ADGRG1: variants seen among roughly 807,000 people sequenced by gnomAD.
ADGRG1 encodes adhesion G protein-coupled receptor G1.
Under a neutral mutation model 73.5 loss-of-function variants are expected in ADGRG1, and 53 were observed. The observed-to-expected ratio is 0.72, with a 90% confidence interval of 0.58 to 0.91. The LOEUF is 0.91. Among genes scored for constraint, ADGRG1 ranks in the 40% least tolerant of loss-of-function variants. The probability of loss-of-function intolerance (pLI) is 0.00; values close to 1 mark genes in which losing one functional copy is unlikely to be tolerated. For missense variants in ADGRG1, 795 were observed against 871.8 expected (o/e 0.91, Z 1.11); for synonymous variants, 394 against 374.4 (o/e 1.05, Z -0.60).
At chr16:57,635,740 G>A (rs534449745) in intron 1 of ADGRG1, 9 of 985,340 alleles carry the variant, frequency 9.1e-6, no homozygotes, top group East Asian at 2.3e-4. Flanking sequence ...TCTCCATGTC[G>A]TTGCCAGGGC....
At chr16:57,623,038 G>A, upstream of ADGRG1, 7 of 985,408 alleles carry the variant, frequency 7.1e-6, no homozygotes, top group Non-Finnish European at 8.4e-6. Flanking sequence ...GGTATGGAGG[G>A]GCAAAGCAGG....
chr16:57,655,803 A>G (rs1244038951), intron 6 of ADGRG1, 73 bp from the exon 7 acceptor site: 2 of 1,613,530 alleles, frequency 1.2e-6, no homozygotes, highest in East Asian at 4.5e-5. Context: ...TAGAGAGGGT[A>G]AGGGGCTTCT....
In ADGRG1 at chr16:57,632,121, C is replaced by A. The variant is rs1371523918; in HGVS notation, c.-36+3319C>A. The stretch of plus-strand genomic sequence containing the variant: ...CACTTTTCAGATGAGGACATTGAGG[C>A]AGGGGAGGCTTACCCAGTGAGCAAC... On this transcript the variant is annotated intron_variant, in intron 1 of 13. Coordinates refer to ENST00000562631, the MANE Select transcript of ADGRG1 (RefSeq NM_201525.4). The A allele has an allele frequency of 1.0e-5, 10 of 985,340 alleles. No individual in the cohort carries two copies. In the African/African-American group the frequency reaches 1.7e-4, roughly 17 times the overall value. The allele number at this position is 985,340 out of a possible 1,614,324, so 61.0% of individuals were successfully genotyped here.
At position 57,652,921 on chromosome 16, in the gene ADGRG1, T is replaced by A; in HGVS notation, c.488-282T>A. The A allele has an allele frequency of 2.3e-6, 3 of 1,292,254 alleles. 1 individual carries two copies. In the South Asian group the frequency reaches 4.7e-5, roughly 20 times the overall value. The allele number at this position is 1,292,254 out of a possible 1,614,324, so 80.0% of individuals were successfully genotyped here. ...GGCTGGGCCCTCTCTGCTCCGTGTGTGTAGCCGAAGGTGTCTGCGGAGGGT... is the reference window on the plus strand; with the variant it reads ...GGCTGGGCCCTCTCTGCTCCGTGTGAGTAGCCGAAGGTGTCTGCGGAGGGT... On this transcript the variant is annotated intron_variant, in intron 3 of 13. Transcript: ENST00000562631.
chr16:57,635,213 G>C (rs1189163174), intron 1 of ADGRG1: 2 of 985,208 alleles, frequency 2.0e-6, no homozygotes, highest in African/African-American at 3.5e-5. Context: ...CACCTGCCTA[G>C]AGCCATGGGC....
chr16:57,620,078 GA>G (rs1339832994), upstream of ADGRG1: 2 of 152,412 alleles, frequency 1.3e-5, no homozygotes, highest in Admixed American at 1.3e-4. Context: ...GGAGGAGGTG[GA>G]AGGGGAGGAG....
At chr16:57,647,771 G>T in intron 1 of ADGRG1, 2 of 983,616 alleles carry the variant, frequency 2.0e-6, no homozygotes, top group Non-Finnish European at 2.4e-6. Flanking sequence ...CTGAGGTGGA[G>T]TGGGGATGAC....
At chr16:57,633,151 G>A in intron 1 of ADGRG1, 1 of 355,058 alleles carries the variant, frequency 2.8e-6, no homozygotes, top group East Asian at 1.7e-4. Context: ...TTCCCTGCCT[G>A]TAAATGGAGA....
At chr16:57,656,900 G>T (rs1194869868) in intron 9 of ADGRG1, among the ~76,000 whole-genome samples, 1 of 152,128 alleles carries the variant, frequency 6.6e-6, no homozygotes, top group Non-Finnish European at 1.5e-5. Context: ...CTCACCTAGG[G>T]TTCTGATTTG....
At chr16:57,656,094 C>T in intron 7 of ADGRG1, 102 bp downstream of exon 7, 2 of 1,613,314 alleles carry the variant, frequency 1.2e-6, no homozygotes, top group Non-Finnish European at 1.7e-6. Flanking sequence ...GAAACGATTG[C>T]CTGATCGAGC....
chr16:57,646,295 G>A (rs950080903), intron 1 of ADGRG1: 102 of 794,844 alleles, frequency 1.3e-4, no homozygotes, highest in Non-Finnish European at 1.4e-4. Flanking sequence ...ACTGCCCACC[G>A]TGCAGAGGGG....
At chr16:57,650,228 A>G (rs1304466246) in intron 1 of ADGRG1, 25 bp from the exon 2 acceptor site, 1 of 1,581,174 alleles carries the variant, frequency 6.3e-7, no homozygotes, top group East Asian at 2.2e-5. Context: ...CCACACTCCC[A>G]GCTAACACTC....
Position 57,628,807 on chromosome 16 carries a change from C to G in ADGRG1, c.-36+5C>G. On this transcript the variant is annotated splice_donor_5th_base_variant and intron_variant, in intron 1 of 13. Transcript: ENST00000562631. The stretch of plus-strand genomic sequence containing the variant: ...GGACCCTCCACCTGGCAGCAGGTAC[C>G]CAAACAAGGGCTGGACAGCAGGTGG... 1.0e-6 allele frequency: 1 copy of G among 985,264 alleles called. No individual in the cohort carries two copies. Among genetic ancestry groups the G allele is most frequent in the Non-Finnish European group, 1.2e-6 (1 of 830,080 alleles). The allele number at this position is 985,264 out of a possible 1,614,324, so 61.0% of individuals were successfully genotyped here.
upstream of ADGRG1, among the ~76,000 whole-genome samples, chr16:57,625,981 C>T (rs1567659377): frequency 6.6e-6 from 1 of 152,234 alleles, no homozygotes; most frequent in Non-Finnish European, 1.5e-5. Context: ...GGTCTACACG[C>T]TTAGTTCAGA....
At chr16:57,630,067 T>C in intron 1 of ADGRG1, 1 of 938,256 alleles carries the variant, frequency 1.1e-6, no homozygotes, top group Non-Finnish European at 1.3e-6. Flanking sequence ...TAGAAGCATT[T>C]ATTGAGCGCT....
At chr16:57,623,862 T>C (rs2035340265), upstream of ADGRG1, 1 of 980,662 alleles carries the variant, frequency 1.0e-6, no homozygotes, top group Non-Finnish European at 1.2e-6. Flanking sequence ...CTGGGAACAT[T>C]GGCCGCAAAA....
chr16:57,623,720 CAT>C (rs1336638906), upstream of ADGRG1: 4 of 856,544 alleles, frequency 4.7e-6, no homozygotes, highest in African/African-American at 7.3e-5. Context: ...GGCTGAGTCA[CAT>C]GTGCAACGCA....
upstream of ADGRG1, chr16:57,626,541 TGA>T: frequency 3.1e-6 from 3 of 972,332 alleles, no homozygotes; most frequent in South Asian, 1.4e-4. Context: ...AGTCCGACGG[TGA>T]GAGAGGCAGG....
intron 1 of ADGRG1, chr16:57,646,247 A>T: frequency 2.9e-6 from 1 of 341,416 alleles, no homozygotes; most frequent in Non-Finnish European, 4.1e-6. Flanking sequence ...CACGGAAGTG[A>T]CTCAGGTCCC....
Sources: allele counts gnomAD v4.1 joint callset (sites outside exome capture counted in the v4.1 genomes callset), GRCh38; gene constraint gnomAD v4.1.1; transcripts MANE v1.5; gene names NCBI Gene and HGNC (gene_info 2026-07-23, HGNC 2026-07-21).